BNC2: variants seen among roughly 807,000 people sequenced by gnomAD.
BNC2 encodes basonuclin zinc finger protein 2.
BNC2 carries 20 observed loss-of-function variants against 76.3 expected under a neutral mutation model. The ratio of observed to expected loss-of-function variants is 0.26; its 90% CI spans 0.18 to 0.38. The LOEUF (loss-of-function observed/expected upper bound fraction) is 0.38. Among genes scored for constraint, BNC2 ranks in the 10% least tolerant of loss-of-function variants. BNC2 has a pLI of 1.00. For missense variants in BNC2, 1,382 were observed against 1,399.8 expected (o/e 0.99, Z 0.20); for synonymous variants, 582 against 514.8 (o/e 1.13, Z -1.77).
At chr9:16,792,431 G>A (rs1408414641) in intron 1 of BNC2, among the ~76,000 whole-genome samples, 1 of 152,142 alleles carries the variant, frequency 6.6e-6, no homozygotes, top group East Asian at 1.9e-4. Flanking sequence ...GTATAATATT[G>A]ACTCCTAGAA....
intron 1 of BNC2, among the ~76,000 whole-genome samples, chr9:16,741,363 G>T (rs1824845046): frequency 6.6e-6 from 1 of 151,842 alleles, no homozygotes; most frequent in African/African-American, 2.4e-5. Context: ...TGAGGCAGGA[G>T]AATCACTTGA....
rs573339214 is a variant in BNC2, at chr9:16,851,622, A to G, written c.3+19024T>C. ...ATGTAATTATAAAATGGTACTGTAA[A>G]ACTTTTCATAGCAATGAATTCTATG... On this transcript the variant is annotated intron_variant, in intron 1 of 6. Coordinates refer to ENST00000380672, the MANE Select transcript of BNC2 (RefSeq NM_017637.6). Among the ~76,000 whole-genome samples, 5 of 152,340 alleles carry G rather than the reference A, an allele frequency of 3.3e-5. No homozygotes were observed. In the East Asian group the frequency reaches 7.7e-4, roughly 23 times the overall value.
chr9:16,855,803 C>T (rs1819240365), intron 1 of BNC2, among the ~76,000 whole-genome samples: 1 of 152,088 alleles, frequency 6.6e-6, no homozygotes, highest in Admixed American at 6.5e-5. Flanking sequence ...CTGCCTCGGC[C>T]TCCCAAAGTG....
chr9:16,848,433 G>C (rs1041052573), intron 1 of BNC2, among the ~76,000 whole-genome samples: 7 of 152,184 alleles, frequency 4.6e-5, no homozygotes, highest in Admixed American at 2.6e-4. Context: ...ATGCAAAACA[G>C]CTAGACGTTA....
chr9:16,659,149 G>A lies in BNC2; in HGVS notation c.330+68648C>T, dbSNP rs576674071. On this transcript the variant is annotated intron_variant, in intron 3 of 6. Transcript: ENST00000380672. ...GTGGGTAAATGGCAGATGGATGGCG[G>A]GGGGGGGCATGTGAATGCACACACG... Among the ~76,000 whole-genome samples, 488 of 67,804 alleles carry A rather than the reference G, an allele frequency of 7.2e-3. 6 individuals carry two copies. Among genetic ancestry groups the A allele is most frequent in the African/African-American group, 0.063 (468 of 7,472 alleles). 44.5% of individuals were successfully genotyped at this position (67,804 alleles called of 152,430 possible).
intron 1 of BNC2, among the ~76,000 whole-genome samples, chr9:16,780,050 C>G (rs547078444): frequency 6.6e-6 from 1 of 151,068 alleles, no homozygotes; most frequent in South Asian, 2.1e-4. Flanking sequence ...TCCTGGCTAA[C>G]ATGGTGAAAC....
intron 1 of BNC2, among the ~76,000 whole-genome samples, chr9:16,816,158 G>A (rs1358784610): frequency 1.3e-5 from 2 of 152,098 alleles, no homozygotes; most frequent in Non-Finnish European, 2.9e-5. Context: ...GGTTAAAGCT[G>A]GAGTAAAGCC....
Position 16,412,881 on chromosome 9 carries a change from T to A in BNC2, c.*6108A>T, listed in dbSNP as rs1346519855. ...CAGGCAATTACGCATCCTTTTATAT[T>A]TGATGGCCAAGTGCTGAACTGGAAA... On this transcript the variant is annotated 3_prime_UTR_variant, in exon 7 of 7. Transcript: ENST00000380672. 1 of 152,596 alleles carries A rather than the reference T, an allele frequency of 6.6e-6. No individual in the cohort carries two copies. Among genetic ancestry groups the A allele is most frequent in the Non-Finnish European group, 1.5e-5 (1 of 68,022 alleles). The allele number at this position is 152,596 out of a possible 1,614,324, so 9.5% of individuals were successfully genotyped here. A position where few individuals can be genotyped will look rare whatever the true frequency, so the allele number is the denominator to read the frequency against.
intron 5 of BNC2, among the ~76,000 whole-genome samples, chr9:16,509,698 T>C (rs748435841): frequency 6.6e-6 from 1 of 152,220 alleles, no homozygotes; most frequent in Non-Finnish European, 1.5e-5. Flanking sequence ...ACCTGTCAAA[T>C]TTCTATTCAG....
At chr9:16,706,430 A>G (rs921649381) in intron 3 of BNC2, among the ~76,000 whole-genome samples, 1 of 152,178 alleles carries the variant, frequency 6.6e-6, no homozygotes, top group Non-Finnish European at 1.5e-5. Context: ...GATTATCCCT[A>G]CAGAAGGCAG....
chr9:16,465,352 C>T (rs1821681798), intron 5 of BNC2, among the ~76,000 whole-genome samples: 1 of 148,096 alleles, frequency 6.8e-6, no homozygotes, highest in African/African-American at 2.5e-5. Flanking sequence ...ATGAGAATCG[C>T]TTGAACCCAA....
intron 3 of BNC2, among the ~76,000 whole-genome samples, chr9:16,629,356 C>A (rs571370440): frequency 6.6e-6 from 1 of 152,312 alleles, no homozygotes; most frequent in African/African-American, 2.4e-5. Context: ...AGAAGACTCA[C>A]TACATTCAGA....
rs184408392 is a variant in BNC2 at position 16,425,907 on chromosome 9, T to C, written c.2640-6258A>G. Reference sequence around the variant, plus strand: ...ATGCACAGGTTAAGTGTAGAATTGATATCCAGCAGCCCCATTCCCTAACCA... The same window carrying C: ...ATGCACAGGTTAAGTGTAGAATTGACATCCAGCAGCCCCATTCCCTAACCA... On this transcript the variant is annotated intron_variant, in intron 6 of 6. Coordinates refer to ENST00000380672, the MANE Select transcript of BNC2 (RefSeq NM_017637.6). Among the ~76,000 whole-genome samples, 296 of 152,334 alleles carry C rather than the reference T, an allele frequency of 1.9e-3. 1 individual carries two copies. Among genetic ancestry groups the C allele is most frequent in the Non-Finnish European group, 1.3e-3 (86 of 68,024 alleles).
intron 1 of BNC2, among the ~76,000 whole-genome samples, chr9:16,804,166 G>A (rs1057080599): frequency 6.6e-6 from 1 of 152,234 alleles, no homozygotes; most frequent in African/African-American, 2.4e-5. Context: ...TTTGAGGAAA[G>A]ATTTGCATAT....
chr9:16,695,744 C>T (rs2134482985), intron 3 of BNC2, among the ~76,000 whole-genome samples: 1 of 152,126 alleles, frequency 6.6e-6, no homozygotes, highest in Middle Eastern at 3.4e-3. Context: ...CTGTCACGTA[C>T]CTCTGTGTGA....
rs2118977722 is a variant in BNC2, at chr9:16,416,470, T to C, written c.*2519A>G. Reference sequence around the variant, plus strand: ...CAAACATACTGTACAGAGTCTTATATGGTATAAAACAAAGGAAAACATCTG... The same window carrying C: ...CAAACATACTGTACAGAGTCTTATACGGTATAAAACAAAGGAAAACATCTG... On this transcript the variant is annotated 3_prime_UTR_variant, in exon 7 of 7. Coordinates refer to ENST00000380672, the MANE Select transcript of BNC2 (RefSeq NM_017637.6). 6.5e-6 allele frequency: 1 copy of C among 152,756 alleles called. No individual in the cohort carries two copies. The highest frequency in any genetic ancestry group is 6.5e-5 in the Admixed American group (1 of 15,296). 9.5% of individuals were successfully genotyped at this position (152,756 alleles called of 1,614,324 possible). A position where few individuals can be genotyped will look rare whatever the true frequency, so the allele number is the denominator to read the frequency against.
intron 1 of BNC2, among the ~76,000 whole-genome samples, chr9:16,748,390 A>G (rs1825071484): frequency 6.6e-6 from 1 of 152,056 alleles, no homozygotes; most frequent in African/African-American, 2.4e-5. Flanking sequence ...GTACGTGCCA[A>G]TGGTCCCAGC....
At chr9:16,655,599 T>C (rs1015359944) in intron 3 of BNC2, among the ~76,000 whole-genome samples, 2 of 152,204 alleles carry the variant, frequency 1.3e-5, no homozygotes, top group African/African-American at 2.4e-5. Flanking sequence ...ACAAATTAAT[T>C]AAATGAATGA....
chr9:16,773,925 T>A (rs759031470), intron 1 of BNC2, among the ~76,000 whole-genome samples: 2 of 152,206 alleles, frequency 1.3e-5, no homozygotes, highest in South Asian at 4.1e-4. Context: ...AGCTGTCATA[T>A]AGAAAAAACT....
Sources: gnomAD v4.1 joint callset for allele counts (sites outside exome capture counted in the v4.1 genomes callset) on GRCh38, gnomAD v4.1.1 for gene constraint, MANE v1.5 for transcripts, NCBI Gene and HGNC (gene_info 2026-07-23, HGNC 2026-07-21) for gene names.